XPR1: variants seen among roughly 807,000 people sequenced by gnomAD.
The protein encoded by XPR1 is solute carrier family 53 member 1.
Under a neutral mutation model 87.5 loss-of-function variants are expected in XPR1, and 28 were observed. That is an observed-to-expected ratio of 0.32 (90% CI 0.24 to 0.44). The LOEUF (loss-of-function observed/expected upper bound fraction) is 0.44. XPR1 is among the 20% of genes least tolerant of loss of function. The pLI is 1.00. For missense variants in XPR1, 559 were observed against 862.3 expected (o/e 0.65, Z 4.41); for synonymous variants, 300 against 306.1 (o/e 0.98, Z 0.21).
intron 2 of XPR1, among the ~76,000 whole-genome samples, chr1:180,685,471 G>C (rs957381877): frequency 6.6e-6 from 1 of 152,066 alleles, no homozygotes; most frequent in Non-Finnish European, 1.5e-5. Flanking sequence ...TCTCTGCCAG[G>C]CTTTGGTATC....
Position 180,817,814 on chromosome 1 carries a change from G to A in XPR1, c.763+6326G>A, listed in dbSNP as rs148301529. 6.6e-5 allele frequency among the ~76,000 whole-genome samples: 10 copies of A among 152,234 alleles called. No individual in the cohort carries two copies. In the South Asian group the frequency reaches 8.3e-4, roughly 13 times the overall value. ...ATAGCAATTGGAAAGAATATGAGCC[G>A]GAACTTCTAGGATGCTTGTAATATG... On this transcript the variant is annotated intron_variant, in intron 7 of 14. Transcript: ENST00000367590.
chr1:180,733,600 G>A (rs1658629522), intron 2 of XPR1, among the ~76,000 whole-genome samples: 1 of 152,134 alleles, frequency 6.6e-6, no homozygotes, highest in Middle Eastern at 3.2e-3. Flanking sequence ...CTGGAAACAA[G>A]GAAGACAGTT....
intron 2 of XPR1, among the ~76,000 whole-genome samples, chr1:180,722,368 A>G (rs1571766294): frequency 6.6e-6 from 1 of 152,162 alleles, no homozygotes; most frequent in South Asian, 2.1e-4. Flanking sequence ...TGCTGGGATT[A>G]CAGACATGAG....
At chr1:180,879,435 C>T (rs887321566) in intron 13 of XPR1, among the ~76,000 whole-genome samples, 1 of 152,202 alleles carries the variant, frequency 6.6e-6, no homozygotes, top group Non-Finnish European at 1.5e-5. Context: ...TCCACCCCTC[C>T]ATCATTATCT....
chr1:180,742,525 G>A (rs182671029), intron 2 of XPR1, among the ~76,000 whole-genome samples: 66 of 152,110 alleles, frequency 4.3e-4, no homozygotes, highest in African/African-American at 1.5e-3. Flanking sequence ...ATTTGGTAAG[G>A]CTTATTTTAT....
chr1:180,726,835 G>A (rs932636297), intron 2 of XPR1, among the ~76,000 whole-genome samples: 2 of 150,910 alleles, frequency 1.3e-5, no homozygotes, highest in East Asian at 3.9e-4. Flanking sequence ...ATTTATTTTT[G>A]TTTAAGTTGA....
At chr1:180,725,326 C>T (rs538234952) in intron 2 of XPR1, among the ~76,000 whole-genome samples, 2 of 152,064 alleles carry the variant, frequency 1.3e-5, no homozygotes, top group African/African-American at 2.4e-5. Context: ...TCTGACTAAT[C>T]TTCCTGATGA....
At chr1:180,841,703 T>C (rs181812830) in intron 11 of XPR1, among the ~76,000 whole-genome samples, 13 of 152,304 alleles carry the variant, frequency 8.5e-5, no homozygotes, top group African/African-American at 2.9e-4. Context: ...CCGAACACTA[T>C]TCAGTACTCA....
intron 2 of XPR1, among the ~76,000 whole-genome samples, chr1:180,703,332 G>T (rs893858251): frequency 6.6e-6 from 1 of 152,150 alleles, no homozygotes; most frequent in African/African-American, 2.4e-5. Flanking sequence ...CTTGTCTTCA[G>T]TTCCTAGACA....
intron 1 of XPR1, among the ~76,000 whole-genome samples, chr1:180,672,935 C>G (rs898044580): frequency 2.0e-5 from 3 of 152,100 alleles, no homozygotes; most frequent in African/African-American, 7.2e-5. Flanking sequence ...ATTCCTTGCC[C>G]TTTCTCTTCA....
intron 1 of XPR1, among the ~76,000 whole-genome samples, chr1:180,678,924 G>A (rs752719654): frequency 1.3e-5 from 2 of 151,358 alleles, no homozygotes; most frequent in Non-Finnish European, 2.9e-5. Flanking sequence ...GGCCCGGCAT[G>A]GTGGCTCACG....
intron 1 of XPR1, among the ~76,000 whole-genome samples, chr1:180,670,615 G>A (rs1656136896): frequency 6.6e-6 from 1 of 152,132 alleles, no homozygotes; most frequent in Admixed American, 6.5e-5. Flanking sequence ...CTTAAATCAT[G>A]TAGAAAATAA....
Position 180,835,068 on chromosome 1 carries a change from T to C in XPR1, c.1306+23T>C, listed in dbSNP as rs777506396. ...AAGGTAGGGTATGAATTTGCATCTA[T>C]ACTACTAAATCGCTGGTGTAAACCA... On this transcript the variant is annotated intron_variant, in intron 10 of 14. Transcript: ENST00000367590. The C allele has an allele frequency of 9.9e-6, 16 of 1,609,080 alleles. No homozygotes were observed. The South Asian group carries it at 1.3e-4, about 13-fold the overall frequency.
At chr1:180,690,485 G>C (rs1656941266) in intron 2 of XPR1, among the ~76,000 whole-genome samples, 1 of 151,984 alleles carries the variant, frequency 6.6e-6, no homozygotes, top group Non-Finnish European at 1.5e-5. Flanking sequence ...GTATTACTAT[G>C]AACTACAATT....
chr1:180,726,425 CACTT>C (rs1658348870), intron 2 of XPR1, among the ~76,000 whole-genome samples: 1 of 152,202 alleles, frequency 6.6e-6, no homozygotes, highest in Admixed American at 6.5e-5. Context: ...CTGTAACACT[CACTT>C]CGAAGGTCTG....
intron 11 of XPR1, among the ~76,000 whole-genome samples, chr1:180,841,260 T>C (rs1651505384): frequency 6.6e-6 from 1 of 152,136 alleles, no homozygotes; most frequent in Non-Finnish European, 1.5e-5. Context: ...TCCTATTGTT[T>C]ATATTAAGTT....
At chr1:180,743,930 T>G (rs1221071404) in intron 2 of XPR1, among the ~76,000 whole-genome samples, 1 of 152,244 alleles carries the variant, frequency 6.6e-6, no homozygotes, top group Non-Finnish European at 1.5e-5. Flanking sequence ...ACAGTTTGAT[T>G]ATGATCCATC....
intron 7 of XPR1, among the ~76,000 whole-genome samples, chr1:180,812,649 CTTTTT>C (rs955473305): frequency 1.5e-5 from 2 of 134,326 alleles, no homozygotes; most frequent in Non-Finnish European, 3.2e-5. Flanking sequence ...GCAGCCATTT[CTTTTT>C]TTTTTTTTTT....
chr1:180,736,261 A>G (rs1031815821), intron 2 of XPR1, among the ~76,000 whole-genome samples: 3 of 152,318 alleles, frequency 2.0e-5, no homozygotes, highest in Admixed American at 6.5e-5. Context: ...AGCGTTGAGA[A>G]CATGGTATAT....
Sources: allele counts gnomAD v4.1 joint callset (sites outside exome capture counted in the v4.1 genomes callset), GRCh38; gene constraint gnomAD v4.1.1; transcripts MANE v1.5; gene names NCBI Gene and HGNC (gene_info 2026-07-23, HGNC 2026-07-21).